COLQ: variants seen among roughly 807,000 people sequenced by gnomAD.
COLQ encodes collagen like tail subunit of asymmetric acetylcholinesterase.
COLQ carries 48 observed loss-of-function variants against 69.0 expected under a neutral mutation model. That is an observed-to-expected ratio of 0.70 (90% CI 0.55 to 0.88). The LOEUF (loss-of-function observed/expected upper bound fraction) is 0.88. COLQ is among the 40% of genes least tolerant of loss of function. The pLI is 0.00. For missense variants in COLQ, 618 were observed against 594.6 expected (o/e 1.04, Z -0.41); for synonymous variants, 217 against 211.2 (o/e 1.03, Z -0.24).
intron 1 of COLQ, among the ~76,000 whole-genome samples, chr3:15,513,183 C>T (rs1038168174): frequency 6.6e-6 from 1 of 152,130 alleles, no homozygotes; most frequent in African/African-American, 2.4e-5. Flanking sequence ...TTCCATGGCC[C>T]GCTGGATCCC....
At chr3:15,479,201 T>C (rs2062434866) in intron 4 of COLQ, 137 bp downstream of exon 4, 1 of 1,138,174 alleles carries the variant, frequency 8.8e-7, no homozygotes, top group Non-Finnish European at 1.3e-6. Context: ...AGCCCAGCCA[T>C]CATGGAACCC....
intron 1 of COLQ, among the ~76,000 whole-genome samples, chr3:15,507,170 T>C (rs1169820098): frequency 1.3e-5 from 2 of 152,188 alleles, no homozygotes; most frequent in Admixed American, 6.5e-5. Context: ...TCTGCCCCCA[T>C]TGATGTGCAT....
intron 12 of COLQ, among the ~76,000 whole-genome samples, chr3:15,465,335 C>T (rs1417611306): frequency 8.8e-5 from 13 of 148,344 alleles, no homozygotes; most frequent in Admixed American, 7.3e-4. Flanking sequence ...TGCGCGATCT[C>T]GACTCACTGC....
At chr3:15,490,581 T>C (rs1347267337) in intron 1 of COLQ, among the ~76,000 whole-genome samples, 1 of 152,290 alleles carries the variant, frequency 6.6e-6, no homozygotes, top group Non-Finnish European at 1.5e-5. Context: ...TCTAGGTTGC[T>C]GTTTATCATT....
intron 1 of COLQ, among the ~76,000 whole-genome samples, chr3:15,496,722 G>C (rs2125153843): frequency 6.6e-6 from 1 of 152,304 alleles, no homozygotes; most frequent in Non-Finnish European, 1.5e-5. Flanking sequence ...CAAATTATGG[G>C]TAATTGTTTA....
At chr3:15,510,611 T>C (rs1011789721) in intron 1 of COLQ, among the ~76,000 whole-genome samples, 1 of 151,372 alleles carries the variant, frequency 6.6e-6, no homozygotes, top group Admixed American at 6.6e-5. Flanking sequence ...GAAGGAGCGC[T>C]GAGGTGGGAG....
At chr3:15,459,411 T>C (rs186690090) in intron 12 of COLQ, among the ~76,000 whole-genome samples, 6 of 151,958 alleles carry the variant, frequency 3.9e-5, no homozygotes, top group African/African-American at 7.2e-5. Context: ...GAACTGAACC[T>C]AGGCAGCATC....
chr3:15,515,552 G>A (rs1304494317), intron 1 of COLQ, among the ~76,000 whole-genome samples: 7 of 152,366 alleles, frequency 4.6e-5, no homozygotes, highest in African/African-American at 1.7e-4. Flanking sequence ...GCTCATGCCT[G>A]TAATCCCAGC....
intron 1 of COLQ, among the ~76,000 whole-genome samples, chr3:15,491,187 AAAG>A (rs778247258): frequency 9.9e-5 from 15 of 152,158 alleles, no homozygotes; most frequent in South Asian, 2.1e-4. Flanking sequence ...GCCCTAAAAA[AAAG>A]AAGAAAAAAA....
chr3:15,491,795 C>T (rs2062671953), intron 1 of COLQ, among the ~76,000 whole-genome samples: 4 of 152,168 alleles, frequency 2.6e-5, no homozygotes. Context: ...CATGGTGGCT[C>T]ATGCCTGTAA....
intron 1 of COLQ, among the ~76,000 whole-genome samples, chr3:15,507,943 T>C (rs2062933783): frequency 6.6e-6 from 1 of 152,190 alleles, no homozygotes; most frequent in Admixed American, 6.5e-5. Flanking sequence ...CCCTAGTTTG[T>C]TTTGGCCTTT....
intron 3 of COLQ, among the ~76,000 whole-genome samples, chr3:15,482,676 C>T (rs1019647429): frequency 2.0e-5 from 3 of 152,088 alleles, no homozygotes; most frequent in East Asian, 1.9e-4. Context: ...ATTCTCTTTT[C>T]TTGTTGTGTC....
intron 11 of COLQ, among the ~76,000 whole-genome samples, chr3:15,469,442 T>A (rs2062247892): frequency 6.6e-6 from 1 of 152,188 alleles, no homozygotes; most frequent in South Asian, 2.1e-4. Flanking sequence ...TTTAAGAAAT[T>A]GGTATCTGTG....
At chr3:15,521,464 T>C in intron 1 of COLQ, 56 bp downstream of exon 1, 1 of 1,609,706 alleles carries the variant, frequency 6.2e-7, no homozygotes, top group Middle Eastern at 1.7e-4. Context: ...ACAATCTTCC[T>C]TCCTCCCCCT....
intron 15 of COLQ, among the ~76,000 whole-genome samples, chr3:15,455,017 GCC>G (rs2062005419): frequency 6.6e-6 from 1 of 152,050 alleles, no homozygotes; most frequent in African/African-American, 2.4e-5. Flanking sequence ...CACACATCCA[GCC>G]CTGAGCCCCA....
At chr3:15,483,819 A>G (rs143712288) in intron 3 of COLQ, among the ~76,000 whole-genome samples, 6 of 152,136 alleles carry the variant, frequency 3.9e-5, no homozygotes, top group Non-Finnish European at 8.8e-5. Flanking sequence ...GGGGTGTTGA[A>G]GTCTCCCATT....
At chr3:15,463,030 A>G (rs1224171268) in intron 12 of COLQ, among the ~76,000 whole-genome samples, 1 of 152,132 alleles carries the variant, frequency 6.6e-6, no homozygotes, top group East Asian at 1.9e-4. Flanking sequence ...GAGAAAAAGT[A>G]TGACTCTGCG....
chr3:15,490,351 A>G (rs2062644305), intron 1 of COLQ, among the ~76,000 whole-genome samples: 2 of 152,254 alleles, frequency 1.3e-5, no homozygotes, highest in South Asian at 4.1e-4. Context: ...ACAGATCTCC[A>G]TAAGGTGGAC....
intron 12 of COLQ, 147 bp downstream of exon 12, chr3:15,466,194 T>A (rs2062196698): frequency 1.6e-6 from 1 of 629,908 alleles, no homozygotes; most frequent in South Asian, 2.0e-5. Context: ...ATGAGCTAAA[T>A]CGTGGAGAAA....
Sources: allele counts gnomAD v4.1 joint callset (sites outside exome capture counted in the v4.1 genomes callset), GRCh38; gene constraint gnomAD v4.1.1; transcripts MANE v1.5; gene names NCBI Gene and HGNC (gene_info 2026-07-23, HGNC 2026-07-21).